ENTREP2: variants seen among roughly 807,000 people sequenced by gnomAD.
ENTREP2 encodes the protein endosomal transmembrane epsin interactor 2.
chr15:29,315,372 C>T, the ENTREP2 span, among the ~76,000 whole-genome samples: 2 of 152,020 alleles, frequency 1.3e-5, no homozygotes. Flanking sequence ...AATTGACAGA[C>T]CAATAAAATA....
At chr15:29,269,775 A>C in the ENTREP2 span, 7 of 1,351,176 alleles carry the variant, frequency 5.2e-6, no homozygotes, top group Admixed American at 3.8e-5. Flanking sequence ...CGGGTCGGCG[A>C]CCCGCTAACG....
At chr15:29,466,573 AGG>A in the ENTREP2 span, among the ~76,000 whole-genome samples, 1 of 146,140 alleles carries the variant, frequency 6.8e-6, no homozygotes, top group East Asian at 2.1e-4. Flanking sequence ...TGCAGCCCCC[AGG>A]GGAGAGCCCA....
the ENTREP2 span, among the ~76,000 whole-genome samples, chr15:29,125,208 C>T: frequency 6.6e-6 from 1 of 152,188 alleles, no homozygotes; most frequent in Non-Finnish European, 1.5e-5. Flanking sequence ...GACCCATGAG[C>T]CCCTCCAAGT....
chr15:29,277,456 G>C, the ENTREP2 span, among the ~76,000 whole-genome samples: 10 of 152,110 alleles, frequency 6.6e-5, no homozygotes, highest in African/African-American at 2.4e-4. Flanking sequence ...CAACCTTTTT[G>C]GTACTAGGGA....
the ENTREP2 span, among the ~76,000 whole-genome samples, chr15:29,654,705 T>G: frequency 6.6e-6 from 1 of 152,166 alleles, no homozygotes; most frequent in Non-Finnish European, 1.5e-5. Flanking sequence ...CAAATAAAAC[T>G]ATATTTGCAC....
chr15:29,467,988 C>T, the ENTREP2 span, among the ~76,000 whole-genome samples: 5 of 152,052 alleles, frequency 3.3e-5, no homozygotes, highest in African/African-American at 7.2e-5. Context: ...CCAAACAAAC[C>T]GCTGCCTAAA....
chr15:29,507,158 CAA>C, the ENTREP2 span, among the ~76,000 whole-genome samples: 1 of 151,962 alleles, frequency 6.6e-6, no homozygotes, highest in Non-Finnish European at 1.5e-5. Flanking sequence ...AAAAGACAAA[CAA>C]GAGGATTACA....
chr15:29,431,183 T>G, the ENTREP2 span, among the ~76,000 whole-genome samples: 6 of 152,180 alleles, frequency 3.9e-5, no homozygotes, highest in Admixed American at 1.3e-4. Context: ...CCGGGTTACG[T>G]AACCCCGGGT....
At chr15:29,345,359 C>T in the ENTREP2 span, among the ~76,000 whole-genome samples, 237 of 152,114 alleles carry the variant, frequency 1.6e-3, no homozygotes, top group African/African-American at 5.3e-3. Context: ...GTGGGGCTAG[C>T]GGGGAGCAGA....
the ENTREP2 span, among the ~76,000 whole-genome samples, chr15:29,312,225 T>C: frequency 2.0e-5 from 3 of 152,030 alleles, no homozygotes; most frequent in African/African-American, 7.2e-5. Flanking sequence ...AGAAATCAAC[T>C]GTAGAAATAA....
chr15:29,196,545 T>A, the ENTREP2 span: 4 of 1,551,222 alleles, frequency 2.6e-6, no homozygotes, highest in Non-Finnish European at 3.5e-6. Flanking sequence ...GACACACACC[T>A]CCACACTGTC....
chr15:29,286,024 A>C, the ENTREP2 span, among the ~76,000 whole-genome samples: 4,933 of 152,304 alleles, frequency 0.032, 272 homozygotes, highest in African/African-American at 0.11. Context: ...CTAACAAAAC[A>C]AAATTTAGCA....
the ENTREP2 span, among the ~76,000 whole-genome samples, chr15:29,157,937 G>A: frequency 1.3e-5 from 2 of 152,136 alleles, no homozygotes; most frequent in Admixed American, 1.3e-4. Context: ...CACCATGTTG[G>A]CCAGGATGAC....
the ENTREP2 span, among the ~76,000 whole-genome samples, chr15:29,671,458 G>A: frequency 6.6e-6 from 1 of 152,140 alleles, no homozygotes; most frequent in African/African-American, 2.4e-5. Context: ...TTGTGGGACT[G>A]AGCCCTTGAA....
At chr15:29,159,127 C>G in the ENTREP2 span, among the ~76,000 whole-genome samples, 1 of 152,140 alleles carries the variant, frequency 6.6e-6, no homozygotes, top group African/African-American at 2.4e-5. Flanking sequence ...CTGAGTGTTA[C>G]AGCTCTTAAA....
At chr15:29,229,919 A>T in the ENTREP2 span, among the ~76,000 whole-genome samples, 1 of 152,036 alleles carries the variant, frequency 6.6e-6, no homozygotes, top group Non-Finnish European at 1.5e-5. Context: ...ACCATCTGTG[A>T]GATTTCTCCA....
At chr15:29,349,444 A>G in the ENTREP2 span, among the ~76,000 whole-genome samples, 1 of 152,196 alleles carries the variant, frequency 6.6e-6, no homozygotes, top group Non-Finnish European at 1.5e-5. Flanking sequence ...CATCTCATGT[A>G]TGGGACTTAT....
At chr15:29,397,803 A>AG in the ENTREP2 span, among the ~76,000 whole-genome samples, 1 of 152,200 alleles carries the variant, frequency 6.6e-6, no homozygotes, top group Non-Finnish European at 1.5e-5. Context: ...CTGAGCACAG[A>AG]GGGAAAAAAG....
chr15:29,119,427 T>C, the ENTREP2 span, among the ~76,000 whole-genome samples: 187 of 9,576 alleles, frequency 0.02, 20 homozygotes, highest in African/African-American at 0.031. Context: ...GGAAGGGGAA[T>C]ATCACACTCT....
Sources: gnomAD v4.1 joint callset for allele counts (sites outside exome capture counted in the v4.1 genomes callset) on GRCh38, gnomAD v4.1.1 for gene constraint, MANE v1.5 for transcripts, NCBI Gene and HGNC (gene_info 2026-07-23, HGNC 2026-07-21) for gene names.